Variants in DAB1 observed in about 807,000 individuals in gnomAD.
The protein encoded by DAB1 is DAB adaptor protein 1.
DAB1 carries 15 observed loss-of-function variants against 64.6 expected under a neutral mutation model. That is an observed-to-expected ratio of 0.23 (90% CI 0.16 to 0.36). The LOEUF (loss-of-function observed/expected upper bound fraction) is 0.36, where lower values mean the gene tolerates loss of function less well. DAB1 is among the 10% of genes least tolerant of loss of function. The pLI, the probability that DAB1 is intolerant of heterozygous loss-of-function variation, is 1.00. For synonymous variants in DAB1, 235 were observed against 251.9 expected (o/e 0.93, Z 0.64); for missense variants, 596 against 706.7 (o/e 0.84, Z 1.78).
intron 2 of DAB1, among the ~76,000 whole-genome samples, chr1:57,217,798 A>G (rs1569930552): frequency 6.6e-6 from 1 of 152,080 alleles, no homozygotes; most frequent in East Asian, 1.9e-4. Context: ...TTGAACTTGC[A>G]TTTAAACTCT....
intron 2 of DAB1, among the ~76,000 whole-genome samples, chr1:57,218,804 C>A (rs1008023598): frequency 1.3e-5 from 2 of 152,120 alleles, no homozygotes; most frequent in African/African-American, 4.8e-5. Context: ...TGAGAAAGGG[C>A]AGCTTGGATA....
At chr1:57,535,385 C>G (rs1644714022) in intron 7 of DAB1, among the ~76,000 whole-genome samples, 1 of 151,886 alleles carries the variant, frequency 6.6e-6, no homozygotes. Context: ...TAGTACCCCG[C>G]AGCTACCTAC....
intron 1 of DAB1, among the ~76,000 whole-genome samples, chr1:57,367,929 G>A (rs903016387): frequency 1.3e-5 from 2 of 152,218 alleles, no homozygotes; most frequent in Non-Finnish European, 2.9e-5. Flanking sequence ...CCTCCTGGGT[G>A]CAGCTGCAGC....
intron 5 of DAB1, among the ~76,000 whole-genome samples, chr1:58,118,503 T>TATATATATACACACACACACAC (rs1341446315): frequency 1.9e-5 from 1 of 53,126 alleles, no homozygotes; most frequent in Non-Finnish European, 2.9e-5. Context: ...TATATATATA[T>TATATATATACACACACACACAC]ACACACACAC....
chr1:57,855,777 T>C (rs1485774908), intron 1 of DAB1, among the ~76,000 whole-genome samples: 1 of 152,114 alleles, frequency 6.6e-6, no homozygotes, highest in Non-Finnish European at 1.5e-5. Context: ...AAGCACAATA[T>C]GGAGACCACA....
chr1:57,976,530 C>A (rs1351228836), intron 5 of DAB1, among the ~76,000 whole-genome samples: 1 of 152,204 alleles, frequency 6.6e-6, no homozygotes, highest in East Asian at 1.9e-4. Context: ...GGTTGGTTTG[C>A]GTGCTTGGGA....
At chr1:58,145,194 C>T (rs761986347) in intron 5 of DAB1, among the ~76,000 whole-genome samples, 2 of 152,336 alleles carry the variant, frequency 1.3e-5, no homozygotes, top group East Asian at 3.9e-4. Context: ...CAGTGAGGTG[C>T]CATCCTGCCG....
chr1:57,326,076 G>A (rs925178232), intron 1 of DAB1, among the ~76,000 whole-genome samples: 45 of 152,302 alleles, frequency 3.0e-4, no homozygotes, highest in Admixed American at 1.1e-3. Flanking sequence ...GCATAGACAC[G>A]ATGAAAAGGG....
At chr1:57,448,155 T>C (rs982495653) in intron 7 of DAB1, among the ~76,000 whole-genome samples, 3 of 152,190 alleles carry the variant, frequency 2.0e-5, no homozygotes, top group Non-Finnish European at 4.4e-5. Context: ...TCTTAGATAA[T>C]TAGGAATCTT....
chr1:57,912,479 C>G (rs543426207), intron 5 of DAB1, among the ~76,000 whole-genome samples: 2 of 152,272 alleles, frequency 1.3e-5, no homozygotes, highest in African/African-American at 4.8e-5. Flanking sequence ...AACACACAGC[C>G]AATATCATAC....
At chr1:57,061,834 A>C (rs1247437812) in intron 9 of DAB1, among the ~76,000 whole-genome samples, 2 of 152,190 alleles carry the variant, frequency 1.3e-5, no homozygotes, top group East Asian at 3.9e-4. Flanking sequence ...AGAACAGACA[A>C]CAGTGTTCCA....
At chr1:57,406,950 CATG>C (rs1220388526) in intron 1 of DAB1, among the ~76,000 whole-genome samples, 1 of 152,188 alleles carries the variant, frequency 6.6e-6, no homozygotes, top group Non-Finnish European at 1.5e-5. Flanking sequence ...CAGTGACATG[CATG>C]ATATTTTTAC....
chr1:58,511,701 A>G (rs1333665596), intron 2 of DAB1, among the ~76,000 whole-genome samples: 3 of 152,184 alleles, frequency 2.0e-5, no homozygotes, highest in African/African-American at 4.8e-5. Context: ...TGGTGCTAGA[A>G]AAACTGAATA....
Position 57,952,353 on chromosome 1 carries a change from T to C in DAB1, n.388-68191A>G, listed in dbSNP as rs1266333752. ...AGAAACTGGGTTCCTGGTGACTTTGTTGAGCACAGCCACCCTTCCCATCCA... is the reference window on the plus strand; with the variant it reads ...AGAAACTGGGTTCCTGGTGACTTTGCTGAGCACAGCCACCCTTCCCATCCA... On this transcript the variant is annotated intron_variant and non_coding_transcript_variant, in intron 5 of 20. Transcript: ENST00000485760. Among the ~76,000 whole-genome samples, 6 of 152,256 alleles carry C rather than the reference T, an allele frequency of 3.9e-5. 2 individuals carry two copies. The highest frequency in any genetic ancestry group is 3.9e-4 in the Admixed American group (6 of 15,274).
chr1:58,300,640 GAGAGAGAGGAAGGAAGGAAGGA>G (rs1452461366), intron 4 of DAB1, among the ~76,000 whole-genome samples: 23 of 57,410 alleles, frequency 4.0e-4, no homozygotes, highest in African/African-American at 1.3e-3. Flanking sequence ...GAGAGAGAGA[GAGAGAGAGGAAGGAAGGAAGGA>G]AGGAAGGAAG....
intron 6 of DAB1, among the ~76,000 whole-genome samples, chr1:57,691,437 C>T (rs1306215089): frequency 1.3e-5 from 2 of 152,290 alleles, no homozygotes; most frequent in East Asian, 3.9e-4. Context: ...GGAATAAAAG[C>T]TGGCCACCCG....
chr1:58,159,803 C>G (rs1005828667), intron 4 of DAB1, among the ~76,000 whole-genome samples: 3 of 152,134 alleles, frequency 2.0e-5, no homozygotes, highest in Non-Finnish European at 4.4e-5. Flanking sequence ...CATGCATATC[C>G]CCATTGCTCA....
chr1:58,496,401 T>C (rs1291455120), intron 3 of DAB1, among the ~76,000 whole-genome samples: 2 of 152,208 alleles, frequency 1.3e-5, no homozygotes, highest in African/African-American at 4.8e-5. Flanking sequence ...TAAATCAACC[T>C]TATCATGCCA....
intron 4 of DAB1, among the ~76,000 whole-genome samples, chr1:58,226,223 T>C (rs1659474445): frequency 6.6e-6 from 1 of 152,204 alleles, no homozygotes; most frequent in African/African-American, 2.4e-5. Flanking sequence ...CAGTGTGGCA[T>C]GGAAGAGATG....
Sources: gnomAD v4.1 joint callset for allele counts (sites outside exome capture counted in the v4.1 genomes callset) on GRCh38, gnomAD v4.1.1 for gene constraint, MANE v1.5 for transcripts, NCBI Gene and HGNC (gene_info 2026-07-23, HGNC 2026-07-21) for gene names.